Variants in FBXO4 observed in about 807,000 individuals in gnomAD.
FBXO4 encodes the protein F-box protein 4.
A neutral mutation model predicts 43.7 loss-of-function variants in FBXO4; 36 were observed. The ratio of observed to expected loss-of-function variants is 0.82; its 90% CI spans 0.63 to 1.09. The LOEUF (loss-of-function observed/expected upper bound fraction) is 1.09. FBXO4 is among the 50% of genes least tolerant of loss of function. The probability of loss-of-function intolerance (pLI) is 0.00; values close to 1 mark genes in which losing one functional copy is unlikely to be tolerated. For missense variants in FBXO4, 435 were observed against 474.1 expected, an observed-to-expected ratio of 0.92 and a Z score of 0.77; for synonymous variants, 180 against 165.6, an observed-to-expected ratio of 1.09 and a Z score of -0.67.
At chr5:41,985,097 C>G in the FBXO4 span, among the ~76,000 whole-genome samples, 1 of 152,302 alleles carries the variant, frequency 6.6e-6, no homozygotes, top group East Asian at 1.9e-4. Flanking sequence ...TGCATTCAGT[C>G]TCACACACTT....
chr5:41,937,106 T>G (rs1751871546), intron 5 of FBXO4, among the ~76,000 whole-genome samples: 1 of 152,120 alleles, frequency 6.6e-6, no homozygotes, highest in Admixed American at 6.6e-5. Context: ...GGAAAAGGAA[T>G]TTTTGAACAG....
chr5:41,954,389 A>G, the FBXO4 span, among the ~76,000 whole-genome samples: 1 of 152,186 alleles, frequency 6.6e-6, no homozygotes, highest in African/African-American at 2.4e-5. Flanking sequence ...ATGTTATGCA[A>G]TTCTCCTTTT....
the FBXO4 span, among the ~76,000 whole-genome samples, chr5:41,981,132 T>C: frequency 7.2e-5 from 11 of 152,238 alleles, no homozygotes; most frequent in East Asian, 2.1e-3. Flanking sequence ...TAATACTATA[T>C]CATTACAATT....
the FBXO4 span, among the ~76,000 whole-genome samples, chr5:42,038,301 G>T: frequency 0.01 from 1,553 of 152,154 alleles, 10 homozygotes; most frequent in Non-Finnish European, 0.016. Context: ...GGATAGATTT[G>T]CAAGTGCCAA....
At chr5:41,953,228 T>C in the FBXO4 span, among the ~76,000 whole-genome samples, 4 of 151,556 alleles carry the variant, frequency 2.6e-5, no homozygotes, top group Non-Finnish European at 5.9e-5. Context: ...TTCCCATCTA[T>C]GAGTGAGAAC....
downstream of FBXO4, among the ~76,000 whole-genome samples, chr5:41,945,167 G>C (rs1306371862): frequency 6.6e-6 from 1 of 152,166 alleles, no homozygotes; most frequent in Non-Finnish European, 1.5e-5. Flanking sequence ...TTTAAAAAAA[G>C]TGTAAGAGAC....
At chr5:42,019,556 C>T in the FBXO4 span, among the ~76,000 whole-genome samples, 1 of 151,994 alleles carries the variant, frequency 6.6e-6, no homozygotes, top group South Asian at 2.1e-4. Context: ...GGTGTGGTGG[C>T]ACACGCCTGT....
the FBXO4 span, among the ~76,000 whole-genome samples, chr5:42,023,086 A>T: frequency 1.3e-5 from 2 of 152,112 alleles, no homozygotes; most frequent in Non-Finnish European, 2.9e-5. Context: ...TCTGACTACG[A>T]TAATGATTTG....
At chr5:41,981,092 C>A in the FBXO4 span, among the ~76,000 whole-genome samples, 1 of 152,012 alleles carries the variant, frequency 6.6e-6, no homozygotes, top group Non-Finnish European at 1.5e-5. Flanking sequence ...TCTGCTGAGT[C>A]ATAGTCTATC....
the FBXO4 span, among the ~76,000 whole-genome samples, chr5:41,984,473 C>T: frequency 6.6e-6 from 1 of 152,134 alleles, no homozygotes; most frequent in Non-Finnish European, 1.5e-5. Flanking sequence ...TGTTATATTA[C>T]AGGGACATAA....
chr5:42,038,999 G>T, the FBXO4 span, among the ~76,000 whole-genome samples: 1 of 151,972 alleles, frequency 6.6e-6, no homozygotes, highest in South Asian at 2.1e-4. Flanking sequence ...CCAGTGCTTT[G>T]CCTCTTCCCT....
intron 3 of FBXO4, among the ~76,000 whole-genome samples, chr5:41,930,796 A>G (rs1751665238): frequency 6.6e-6 from 1 of 151,478 alleles, no homozygotes; most frequent in African/African-American, 2.4e-5. Flanking sequence ...CTGGGACTAC[A>G]GGCGCCCACC....
the FBXO4 span, among the ~76,000 whole-genome samples, chr5:41,989,044 G>A: frequency 6.6e-6 from 1 of 151,992 alleles, no homozygotes; most frequent in African/African-American, 2.4e-5. Context: ...AATAATTGAA[G>A]TCATTTGGGG....
At chr5:41,975,045 A>G in the FBXO4 span, among the ~76,000 whole-genome samples, 6 of 152,186 alleles carry the variant, frequency 3.9e-5, no homozygotes, top group African/African-American at 1.4e-4. Context: ...GGCCAGTGCC[A>G]TAAGAGTTGA....
intron 3 of FBXO4, among the ~76,000 whole-genome samples, chr5:41,933,050 A>G (rs987114904): frequency 6.6e-6 from 1 of 152,160 alleles, no homozygotes; most frequent in Admixed American, 6.6e-5. Flanking sequence ...TTCCCAGTAA[A>G]CCTAAGAAGA....
At chr5:42,026,673 T>C in the FBXO4 span, among the ~76,000 whole-genome samples, 1 of 151,918 alleles carries the variant, frequency 6.6e-6, no homozygotes, top group Non-Finnish European at 1.5e-5. Context: ...TTTTTCCCCA[T>C]TCAGCATGAT....
the FBXO4 span, among the ~76,000 whole-genome samples, chr5:41,976,895 G>A: frequency 3.9e-5 from 6 of 152,162 alleles, no homozygotes; most frequent in Admixed American, 2.0e-4. Context: ...AACAGGATTC[G>A]CATCCTGTGA....
chr5:41,979,858 A>G, the FBXO4 span, among the ~76,000 whole-genome samples: 1 of 152,232 alleles, frequency 6.6e-6, no homozygotes, highest in Admixed American at 6.5e-5. Flanking sequence ...AGGTACATTT[A>G]AAATGATCCT....
chr5:42,017,845 C>A, the FBXO4 span, among the ~76,000 whole-genome samples: 2 of 151,760 alleles, frequency 1.3e-5, no homozygotes, highest in Non-Finnish European at 2.9e-5. Flanking sequence ...AATCTACCGT[C>A]TCTGGGCACC....
Sources: allele counts gnomAD v4.1 joint callset (sites outside exome capture counted in the v4.1 genomes callset), GRCh38; gene constraint gnomAD v4.1.1; transcripts MANE v1.5; gene names NCBI Gene and HGNC (gene_info 2026-07-23, HGNC 2026-07-21).